The following FAM53B variants were observed in gnomAD, a reference collection of about 807,000 sequenced individuals.
The protein encoded by FAM53B is family with sequence similarity 53 member B.
Under a neutral mutation model 32.7 loss-of-function variants are expected in FAM53B, and 12 were observed. The ratio of observed to expected loss-of-function variants is 0.37; its 90% CI spans 0.24 to 0.59. FAM53B has a LOEUF of 0.59. FAM53B is among the 20% of genes least tolerant of loss of function. The probability of loss-of-function intolerance (pLI) is 0.72; values close to 1 mark genes in which losing one functional copy is unlikely to be tolerated. For synonymous variants in FAM53B, 234 were observed against 228.7 expected, an observed-to-expected ratio of 1.02 and a Z score of -0.21; for missense variants, 477 against 577.7, an observed-to-expected ratio of 0.83 and a Z score of 1.79.
intron 1 of FAM53B, among the ~76,000 whole-genome samples, chr10:124,732,967 G>T (rs1166821472): frequency 1.3e-5 from 2 of 152,162 alleles, no homozygotes; most frequent in African/African-American, 2.4e-5. Context: ...TTTCACTCCA[G>T]TTTGCTGCTC....
rs773123639 is a variant in FAM53B at position 124,720,657 on chromosome 10, G to A, written c.-174-13770C>T. 5.9e-5 allele frequency among the ~76,000 whole-genome samples: 9 copies of A among 152,244 alleles called. No homozygotes were observed. In the East Asian group the frequency reaches 1.2e-3, roughly 20 times the overall value. On this transcript the variant is annotated intron_variant, in intron 1 of 4. Coordinates refer to ENST00000337318, the MANE Select transcript of FAM53B (RefSeq NM_014661.4). ...GCCACCAGTCCTGACAAAAGCCTGCGTGGCAGGCAACTGTACTCATTCATT... is the reference window on the plus strand; with the variant it reads ...GCCACCAGTCCTGACAAAAGCCTGCATGGCAGGCAACTGTACTCATTCATT...
chr10:124,643,439 G>A (rs868738062), intron 4 of FAM53B, among the ~76,000 whole-genome samples: 19 of 152,346 alleles, frequency 1.2e-4, no homozygotes, highest in Middle Eastern at 3.4e-3. Context: ...CTCTTTCAGC[G>A]TGGCTGCAGG....
intron 4 of FAM53B, among the ~76,000 whole-genome samples, chr10:124,656,147 T>C (rs1949587838): frequency 6.6e-6 from 1 of 152,074 alleles, no homozygotes; most frequent in Admixed American, 6.6e-5. Context: ...ACAAAGGAAA[T>C]GAGGAGGAGG....
At chr10:124,735,126 C>T (rs1163985954) in intron 1 of FAM53B, among the ~76,000 whole-genome samples, 1 of 152,140 alleles carries the variant, frequency 6.6e-6, no homozygotes, top group East Asian at 1.9e-4. Flanking sequence ...GCTCCCCCAA[C>T]GTGAGAGGAA....
intron 4 of FAM53B, among the ~76,000 whole-genome samples, chr10:124,643,506 C>T (rs1451450211): frequency 2.0e-5 from 3 of 152,362 alleles, no homozygotes; most frequent in Admixed American, 6.5e-5. Context: ...CATCACTCGT[C>T]GCCCGGGCCC....
At chr10:124,725,226 C>T (rs1199218863) in intron 1 of FAM53B, among the ~76,000 whole-genome samples, 3 of 152,220 alleles carry the variant, frequency 2.0e-5, no homozygotes, top group African/African-American at 7.2e-5. Context: ...GAAACCACCA[C>T]TAAGCACTTA....
chr10:124,707,909 C>G (rs1949972477), intron 1 of FAM53B: 1 of 152,236 alleles, frequency 6.6e-6, no homozygotes, highest in Non-Finnish European at 1.5e-5. Context: ...CCATTCTGCA[C>G]AGCCTATCCG....
At chr10:124,639,016 T>C (rs1949453393) in intron 4 of FAM53B, among the ~76,000 whole-genome samples, 1 of 152,188 alleles carries the variant, frequency 6.6e-6, no homozygotes, top group African/African-American at 2.4e-5. Context: ...GCAAACCAAA[T>C]ACTGGCTTAG....
Position 124,623,607 on chromosome 10 carries a change from G to A in FAM53B, c.907-3C>T. The A allele has an allele frequency of 1.9e-6, 3 of 1,608,226 alleles. No homozygotes were observed. Among genetic ancestry groups the A allele is most frequent in the Non-Finnish European group, 2.5e-6 (3 of 1,179,066 alleles). On this transcript the variant is annotated splice_region_variant and splice_polypyrimidine_tract_variant and intron_variant, in intron 4 of 4. Coordinates refer to ENST00000337318, the MANE Select transcript of FAM53B (RefSeq NM_014661.4). ...AGGCTGCTGAAGGTCTGACAGTTCT[G>A]TGGAGGGGCAGACACACAGGTTACT...
chr10:124,631,045 G>A (rs1037102027), intron 4 of FAM53B, among the ~76,000 whole-genome samples: 13 of 152,188 alleles, frequency 8.5e-5, no homozygotes, highest in South Asian at 2.1e-4. Flanking sequence ...GCTGTGTGGC[G>A]GCCAGTCCAG....
intron 1 of FAM53B, among the ~76,000 whole-genome samples, chr10:124,726,528 G>A (rs1232662894): frequency 6.6e-6 from 1 of 152,210 alleles, no homozygotes; most frequent in Non-Finnish European, 1.5e-5. Flanking sequence ...GCATGGGAAG[G>A]GCTTTCAGGC....
At chr10:124,723,874 A>G (rs1199679114) in intron 1 of FAM53B, among the ~76,000 whole-genome samples, 2 of 152,238 alleles carry the variant, frequency 1.3e-5, no homozygotes, top group Non-Finnish European at 2.9e-5. Flanking sequence ...ACTCAGAAAC[A>G]AAAAGTATTT....
chr10:124,645,138 T>C (rs1227271681), intron 4 of FAM53B, among the ~76,000 whole-genome samples: 1 of 152,154 alleles, frequency 6.6e-6, no homozygotes, highest in African/African-American at 2.4e-5. Context: ...GCTGGAGCCC[T>C]CGGCATAGGA....
chr10:124,702,551 C>T (rs1164066659), intron 2 of FAM53B, among the ~76,000 whole-genome samples: 1 of 152,190 alleles, frequency 6.6e-6, no homozygotes, highest in Non-Finnish European at 1.5e-5. Flanking sequence ...AGGGCCCATG[C>T]GAGAAGGTGC....
chr10:124,638,247 G>A (rs1949446842), intron 4 of FAM53B, among the ~76,000 whole-genome samples: 1 of 152,274 alleles, frequency 6.6e-6, no homozygotes, highest in East Asian at 1.9e-4. Flanking sequence ...GCGGGCGCCT[G>A]TAGTCCCAGC....
intron 2 of FAM53B, 136 bp downstream of exon 2, chr10:124,706,500 C>T (rs955376481): frequency 1.7e-5 from 18 of 1,041,802 alleles, no homozygotes; most frequent in East Asian, 2.4e-5. Context: ...TGCCCCAGCC[C>T]GGGACGCCTC....
At chr10:124,666,090 T>C (rs1282473525) in intron 4 of FAM53B, among the ~76,000 whole-genome samples, 1 of 152,204 alleles carries the variant, frequency 6.6e-6, no homozygotes, top group Non-Finnish European at 1.5e-5. Context: ...GGTTATTGGC[T>C]GCCTAGACTC....
chr10:124,624,344 C>T (rs921884308), intron 4 of FAM53B, among the ~76,000 whole-genome samples: 2 of 152,194 alleles, frequency 1.3e-5, no homozygotes, highest in Admixed American at 6.5e-5. Context: ...CTCGGCCTCA[C>T]CTGGAGACAC....
Position 124,620,020 on chromosome 10 carries a change from AAGTT to A in FAM53B, c.*3218_*3221del, listed in dbSNP as rs541559528. On this transcript the variant is annotated 3_prime_UTR_variant, in exon 5 of 5. Transcript: ENST00000337318. The stretch of plus-strand genomic sequence containing the variant: ...CCCCCGCACCAGGAGACCCATTTGG[AAGTT>A]AGTTAGGGTTTGTTTTGTTTTCTTT... 4.6e-5 allele frequency: 7 copies of A among 152,466 alleles called. No individual in the cohort carries two copies. Among genetic ancestry groups the A allele is most frequent in the Admixed American group, 2.0e-4 (3 of 15,308 alleles). The allele number at this position is 152,466 out of a possible 1,614,324, so 9.4% of individuals were successfully genotyped here.
Sources: gnomAD v4.1 joint callset for allele counts (sites outside exome capture counted in the v4.1 genomes callset) on GRCh38, gnomAD v4.1.1 for gene constraint, MANE v1.5 for transcripts, NCBI Gene and HGNC (gene_info 2026-07-23, HGNC 2026-07-21) for gene names.